PPP2R5C: variants seen among roughly 807,000 people sequenced by gnomAD.
PPP2R5C encodes the protein serine/threonine-protein phosphatase 2A 56 kDa regulatory subunit gamma isoform.
In PPP2R5C, 7 loss-of-function variants were observed where a neutral mutation model predicts 68.9. The observed-to-expected ratio is 0.10, with a 90% CI of 0.06 to 0.19. The LOEUF (loss-of-function observed/expected upper bound fraction) is 0.19, where lower values mean the gene tolerates loss of function less well. Among genes scored for constraint, PPP2R5C ranks in the 10% least tolerant of loss-of-function variants. PPP2R5C has a pLI of 1.00. For missense variants in PPP2R5C, 348 were observed against 641.3 expected, an observed-to-expected ratio of 0.54 and a Z score of 4.94; for synonymous variants, 210 against 222.2, an observed-to-expected ratio of 0.95 and a Z score of 0.49.
chr14:101,868,635 C>T (rs1262712589), intron 2 of PPP2R5C, among the ~76,000 whole-genome samples: 1 of 152,102 alleles, frequency 6.6e-6, no homozygotes, highest in African/African-American at 2.4e-5. Flanking sequence ...CTCAGTAAAG[C>T]TGGGTGTTTT....
At chr14:101,893,522 C>T (rs571501478) in intron 7 of PPP2R5C, among the ~76,000 whole-genome samples, 4 of 152,244 alleles carry the variant, frequency 2.6e-5, no homozygotes, top group African/African-American at 2.4e-5. Flanking sequence ...GAGGCTGAGG[C>T]GGACAGATCA....
chr14:101,921,654 G>A (rs552030843), intron 13 of PPP2R5C, among the ~76,000 whole-genome samples: 3 of 152,124 alleles, frequency 2.0e-5, no homozygotes, highest in African/African-American at 7.2e-5. Context: ...ATTATATTCA[G>A]TGCCCTTTTA....
intron 2 of PPP2R5C, among the ~76,000 whole-genome samples, chr14:101,867,888 A>C (rs2043180780): frequency 6.6e-6 from 1 of 152,224 alleles, no homozygotes; most frequent in Non-Finnish European, 1.5e-5. Context: ...CTAGTTGATC[A>C]CATTATTTTA....
intron 1 of PPP2R5C, among the ~76,000 whole-genome samples, chr14:101,811,971 G>A (rs2039389782): frequency 6.6e-6 from 1 of 152,076 alleles, no homozygotes; most frequent in Non-Finnish European, 1.5e-5. Flanking sequence ...GCAGTGAAGT[G>A]TATTAGCCTG....
At chr14:101,837,476 A>G (rs573782517) in intron 1 of PPP2R5C, among the ~76,000 whole-genome samples, 1 of 152,338 alleles carries the variant, frequency 6.6e-6, no homozygotes, top group South Asian at 2.1e-4. Flanking sequence ...AACTTAATAT[A>G]TACTAGCTTA....
intron 5 of PPP2R5C, among the ~76,000 whole-genome samples, chr14:101,887,257 G>T (rs1397899462): frequency 1.3e-5 from 2 of 152,234 alleles, no homozygotes; most frequent in African/African-American, 4.8e-5. Context: ...AGGGCAGTGT[G>T]CCGTTCCTTC....
intron 9 of PPP2R5C, among the ~76,000 whole-genome samples, chr14:101,904,967 G>A (rs1441930598): frequency 6.6e-6 from 1 of 152,236 alleles, no homozygotes; most frequent in Non-Finnish European, 1.5e-5. Context: ...AAGCAAATAG[G>A]GTAGGGTATG....
At chr14:101,818,926 T>A in intron 1 of PPP2R5C, 1 of 1,266,598 alleles carries the variant, frequency 7.9e-7, no homozygotes, top group Non-Finnish European at 1.1e-6. Flanking sequence ...GTGTTACTCA[T>A]GAGCAATGTG....
intron 2 of PPP2R5C, among the ~76,000 whole-genome samples, chr14:101,773,613 G>A (rs575582958): frequency 7.3e-4 from 111 of 152,256 alleles, no homozygotes; most frequent in African/African-American, 2.4e-3. Context: ...GTAGGGAGCC[G>A]AGCACAGACA....
intron 13 of PPP2R5C, among the ~76,000 whole-genome samples, chr14:101,920,843 G>A (rs1282026771): frequency 6.6e-6 from 1 of 152,002 alleles, no homozygotes; most frequent in Non-Finnish European, 1.5e-5. Flanking sequence ...ACAGCACACT[G>A]CAGCCTCAAC....
At chr14:101,869,932 G>A (rs1044761044) in intron 2 of PPP2R5C, among the ~76,000 whole-genome samples, 5 of 151,966 alleles carry the variant, frequency 3.3e-5, no homozygotes, top group African/African-American at 4.8e-5. Context: ...GATTCCAGGC[G>A]TGAGCCACCA....
intron 13 of PPP2R5C, among the ~76,000 whole-genome samples, chr14:101,921,613 AG>A (rs2047011183): frequency 6.6e-6 from 1 of 151,978 alleles, no homozygotes; most frequent in Admixed American, 6.5e-5. Flanking sequence ...CTGAAAATTA[AG>A]CTTTTTTGGT....
intron 13 of PPP2R5C, among the ~76,000 whole-genome samples, chr14:101,924,790 T>C: frequency 6.6e-6 from 1 of 152,072 alleles, no homozygotes; most frequent in East Asian, 1.9e-4. Flanking sequence ...GCCCATGAAA[T>C]GGCTTTAATG....
At position 101,915,077 on chromosome 14, in the gene PPP2R5C, A is replaced by G. The variant is rs971857334; in HGVS notation, c.1326+2604A>G. Among the ~76,000 whole-genome samples the G allele has an allele frequency of 5.2e-4, 79 of 150,510 alleles. 1 individual carries two copies. Among genetic ancestry groups the G allele is most frequent in the African/African-American group, 1.6e-3 (64 of 40,120 alleles). ...TTTTGGTTTGGTTTGGTTTGGTTTGATTTGGTTTGGTTTGTTTGAGATGGA... is the reference window on the plus strand; with the variant it reads ...TTTTGGTTTGGTTTGGTTTGGTTTGGTTTGGTTTGGTTTGTTTGAGATGGA... On this transcript the variant is annotated intron_variant, in intron 12 of 13. Coordinates refer to ENST00000334743, the Ensembl canonical transcript of PPP2R5C. This position sits in a 1 kb window ranked among gnomAD's most constrained non-coding sequence, Gnocchi z 4.2.
At chr14:101,786,271 C>T in intron 3 of PPP2R5C, 88 bp downstream of exon 3, 11 of 1,223,880 alleles carry the variant, frequency 9.0e-6, no homozygotes, top group South Asian at 5.8e-5. Flanking sequence ...TATTCCTTTG[C>T]TGTGTTTGTA....
intron 1 of PPP2R5C, among the ~76,000 whole-genome samples, chr14:101,844,558 T>C (rs1037224679): frequency 1.3e-5 from 2 of 152,216 alleles, no homozygotes; most frequent in South Asian, 2.1e-4. Flanking sequence ...TGGACGTCAT[T>C]TGAAGGAAGA....
At chr14:101,824,053 C>T in intron 1 of PPP2R5C, 1 of 1,289,174 alleles carries the variant, frequency 7.8e-7, no homozygotes, top group African/African-American at 1.5e-5. Context: ...CCCCAGAGCT[C>T]CTGTTGAAGG....
intron 5 of PPP2R5C, among the ~76,000 whole-genome samples, chr14:101,884,987 G>A (rs1282924763): frequency 1.3e-5 from 2 of 152,246 alleles, no homozygotes; most frequent in Non-Finnish European, 2.9e-5. Flanking sequence ...TCTTCTACAA[G>A]TTACAGCTTC....
chr14:101,841,661 A>G (rs1036253125), intron 1 of PPP2R5C, among the ~76,000 whole-genome samples: 7 of 152,082 alleles, frequency 4.6e-5, no homozygotes, highest in African/African-American at 1.4e-4. Context: ...TTGAAACGAA[A>G]CCTTCCAGTC....
Sources: gnomAD v4.1 joint callset for allele counts (sites outside exome capture counted in the v4.1 genomes callset) on GRCh38, gnomAD v4.1.1 for gene constraint, Gnocchi (gnomAD v3.1) non-coding constraint, MANE v1.5 for transcripts, NCBI Gene and HGNC (gene_info 2026-07-23, HGNC 2026-07-21) for gene names.